SLCO5A1: variants seen among roughly 807,000 people sequenced by gnomAD.
SLCO5A1 encodes the protein organic anion transporter polypeptide-related protein 4.
SLCO5A1 carries 39 observed loss-of-function variants against 65.1 expected under a neutral mutation model. The ratio of observed to expected loss-of-function variants is 0.60; its 90% confidence interval spans 0.46 to 0.78. SLCO5A1 has a LOEUF of 0.78. Among genes scored for constraint, SLCO5A1 ranks in the 30% least tolerant of loss-of-function variants. The pLI, the probability that SLCO5A1 is intolerant of heterozygous loss-of-function variation, is 0.00. For synonymous variants in SLCO5A1, 438 were observed against 415.7 expected, an observed-to-expected ratio of 1.05 and a Z score of -0.65; for missense variants, 1,029 against 1,069.4, an observed-to-expected ratio of 0.96 and a Z score of 0.53.
chr8:69,776,115 A>T (rs1818539269), intron 2 of SLCO5A1, among the ~76,000 whole-genome samples: 1 of 152,216 alleles, frequency 6.6e-6, no homozygotes, highest in South Asian at 2.1e-4. Flanking sequence ...AACAAAATCA[A>T]TGAGTTAGTT....
intron 2 of SLCO5A1, among the ~76,000 whole-genome samples, chr8:69,784,554 G>A (rs747571518): frequency 7.2e-5 from 11 of 152,036 alleles, no homozygotes; most frequent in African/African-American, 1.2e-4. Context: ...TTCGGAGGCC[G>A]AGGCGGGTGG....
intron 5 of SLCO5A1, among the ~76,000 whole-genome samples, chr8:69,726,796 C>T (rs929841709): frequency 3.3e-5 from 5 of 152,060 alleles, no homozygotes; most frequent in Admixed American, 1.3e-4. Flanking sequence ...CCACCATGCC[C>T]GGCCTCTACC....
intron 2 of SLCO5A1, among the ~76,000 whole-genome samples, chr8:69,829,147 G>C (rs1586845114): frequency 6.6e-6 from 1 of 152,158 alleles, no homozygotes; most frequent in South Asian, 2.1e-4. Flanking sequence ...TAAACTTAAC[G>C]TCACTAATGA....
At chr8:69,778,612 GC>G (rs1818671980) in intron 2 of SLCO5A1, among the ~76,000 whole-genome samples, 1 of 151,992 alleles carries the variant, frequency 6.6e-6, no homozygotes, top group Non-Finnish European at 1.5e-5. Context: ...ATTAAAATAA[GC>G]AAAAAAATTA....
intron 2 of SLCO5A1, among the ~76,000 whole-genome samples, chr8:69,765,726 T>A (rs1220505178): frequency 6.6e-6 from 1 of 152,178 alleles, no homozygotes; most frequent in African/African-American, 2.4e-5. Context: ...ATCTTAAAAC[T>A]GTAAGATCTA....
At position 69,672,966 on chromosome 8, in the gene SLCO5A1, G is replaced by A; in HGVS notation, c.2450C>T (p.Ala817Val). 6.2e-7 allele frequency: 1 copy of A among 1,614,226 alleles called. No individual in the cohort carries two copies. The highest frequency in any genetic ancestry group is 8.5e-7 in the Non-Finnish European group (1 of 1,180,044). ...GAAGGGCCCCGGGTAGGTCTGTGCT[G>A]CGCACTGGATCCCTTTTTGCAGGCC... ...ETGLQKGIQC[A>V]AQTYPGPFPE... The change falls in exon 10 of 10, where the codon GCA (alanine) becomes GTA (valine). Residue 817 changes from alanine to valine, a missense_variant. Physicochemically the swap from Ala to Val is moderately conservative, Grantham distance 64. This residue lies in a region of SLCO5A1 where 258 missense variants were observed against 237.4 expected (regional missense o/e 1.09). Coordinates refer to ENST00000260126, the MANE Select transcript of SLCO5A1 (RefSeq NM_030958.3).
chr8:69,733,846 G>C (rs758764705), intron 5 of SLCO5A1, among the ~76,000 whole-genome samples: 36 of 152,286 alleles, frequency 2.4e-4, no homozygotes, highest in Non-Finnish European at 4.3e-4. Context: ...AAATTACCCA[G>C]TCTTGGATAT....
chr8:69,743,392 GC>G (rs1816885222), intron 4 of SLCO5A1, among the ~76,000 whole-genome samples: 1 of 151,966 alleles, frequency 6.6e-6, no homozygotes, highest in Admixed American at 6.6e-5. Flanking sequence ...TCCCTCTTTT[GC>G]CCAGACCAGT....
At chr8:69,802,895 A>G (rs774059319) in intron 2 of SLCO5A1, among the ~76,000 whole-genome samples, 1 of 152,232 alleles carries the variant, frequency 6.6e-6, no homozygotes, top group Non-Finnish European at 1.5e-5. Flanking sequence ...CCCAGAGGCG[A>G]GAACTTCATC....
intron 5 of SLCO5A1, among the ~76,000 whole-genome samples, chr8:69,733,234 A>G (rs1173055983): frequency 9.2e-5 from 14 of 152,190 alleles, no homozygotes; most frequent in Admixed American, 9.2e-4. Context: ...ATCATCATAA[A>G]TAATAATTTT....
At chr8:69,784,889 A>AAAG (rs1159016263) in intron 2 of SLCO5A1, among the ~76,000 whole-genome samples, 2 of 121,964 alleles carry the variant, frequency 1.6e-5, no homozygotes, top group African/African-American at 6.6e-5. Context: ...GAAAGAAAGA[A>AAAG]GAAAGGAAGA....
rs144736627 is a variant in SLCO5A1, at chr8:69,754,750, T to C, written c.1258+674A>G. Reference sequence around the variant, plus strand: ...ATAGATTGCCTAATCTAGTTTAATATAATCAGTATTTTTAAGAGAAATAAA... The same window carrying C: ...ATAGATTGCCTAATCTAGTTTAATACAATCAGTATTTTTAAGAGAAATAAA... On this transcript the variant is annotated intron_variant, in intron 4 of 9. Coordinates refer to ENST00000260126, the MANE Select transcript of SLCO5A1 (RefSeq NM_030958.3). Among the ~76,000 whole-genome samples, 325 of 152,278 alleles carry C rather than the reference T, an allele frequency of 2.1e-3. 1 individual carries two copies. The highest frequency in any genetic ancestry group is 7.3e-3 in the African/African-American group (305 of 41,534).
intron 5 of SLCO5A1, among the ~76,000 whole-genome samples, chr8:69,722,251 T>A (rs1051122075): frequency 2.0e-5 from 3 of 152,118 alleles, no homozygotes; most frequent in African/African-American, 7.2e-5. Context: ...TAACCAAGAT[T>A]ACCAACAACA....
chr8:69,810,034 A>G (rs148567522), intron 2 of SLCO5A1, among the ~76,000 whole-genome samples: 40 of 152,308 alleles, frequency 2.6e-4, no homozygotes, highest in Middle Eastern at 3.4e-3. Flanking sequence ...CCCACTGAGA[A>G]TTATAGCTGT....
intron 2 of SLCO5A1, among the ~76,000 whole-genome samples, chr8:69,816,708 A>C (rs1261800131): frequency 2.0e-5 from 3 of 152,096 alleles, no homozygotes; most frequent in Non-Finnish European, 1.5e-5. Flanking sequence ...CTACTCTAAA[A>C]TCCACTTTCC....
chr8:69,794,222 C>T (rs537019098), intron 2 of SLCO5A1: 14 of 421,184 alleles, frequency 3.3e-5, no homozygotes, highest in African/African-American at 2.9e-4. Context: ...AATTTTGTGC[C>T]CTGTGGTACC....
At chr8:69,691,540 T>C (rs565503979) in intron 6 of SLCO5A1, among the ~76,000 whole-genome samples, 35 of 152,342 alleles carry the variant, frequency 2.3e-4, no homozygotes, top group African/African-American at 8.2e-4. Flanking sequence ...ATTCTAGCTC[T>C]TTGAGTCTAT....
At chr8:69,697,632 G>T (rs576759945) in intron 6 of SLCO5A1, among the ~76,000 whole-genome samples, 2 of 152,110 alleles carry the variant, frequency 1.3e-5, no homozygotes, top group South Asian at 2.1e-4. Context: ...TTATAAGAAG[G>T]CTCCATCCAT....
At chr8:69,834,815 C>T (rs1821357015) in intron 1 of SLCO5A1, 39 bp downstream of exon 1, 1 of 153,704 alleles carries the variant, frequency 6.5e-6, no homozygotes, top group Non-Finnish European at 1.4e-5. Context: ...CGGCGACAGC[C>T]CGCCGCGCTG....
Sources: allele counts gnomAD v4.1 joint callset (sites outside exome capture counted in the v4.1 genomes callset), GRCh38; gene constraint gnomAD v4.1.1; regional missense constraint gnomAD v4.1.1; transcripts MANE v1.5; gene names NCBI Gene and HGNC (gene_info 2026-07-23, HGNC 2026-07-21).